The following ZIC4 variants were observed in gnomAD, a reference collection of about 807,000 sequenced individuals.
ZIC4 encodes the protein zinc finger protein ZIC 4.
ZIC4 carries 15 observed loss-of-function variants against 28.8 expected under a neutral mutation model. The observed-to-expected ratio is 0.52, with a 90% CI of 0.35 to 0.80. The LOEUF is 0.80. ZIC4 is among the 30% of genes least tolerant of loss of function. The pLI is 0.01. For missense variants in ZIC4, 512 were observed against 467.1 expected (o/e 1.10, Z -0.89); for synonymous variants, 220 against 198.1 (o/e 1.11, Z -0.93).
At chr3:147,404,037 C>A (rs192082336) in intron 1 of ZIC4, 11 of 1,537,192 alleles carry the variant, frequency 7.2e-6, no homozygotes, top group Non-Finnish European at 9.6e-6. Flanking sequence ...TAATAAGCTC[C>A]TTCCAGCACA....
Position 147,402,749 on chromosome 3 carries a change from G to T in ZIC4, c.49C>A (p.Arg17=), listed in dbSNP as rs190583246. 3 of 1,613,158 alleles carry T rather than the reference G, an allele frequency of 1.9e-6. No individual in the cohort carries two copies. The highest frequency in any genetic ancestry group is 8.5e-7 in the Non-Finnish European group (1 of 1,179,708). The change falls in exon 2 of 5, where the codon CGA becomes AGA. Residue 17 remains arginine, a synonymous_variant. Coordinates refer to ENST00000383075, the MANE Select transcript of ZIC4 (RefSeq NM_032153.6). ...TTACTTGACTCTTTAAGAGTGTTTC[G>T]GTAAAGCCGTAATCGTTTCCTCATC... is the stretch of plus-strand genomic sequence containing the variant. ...LVMRKRLRLY[R]NTLKESSSSS...
chr3:147,390,552 C>G (rs1377692667), intron 4 of ZIC4, among the ~76,000 whole-genome samples: 1 of 152,144 alleles, frequency 6.6e-6, no homozygotes, highest in African/African-American at 2.4e-5. Flanking sequence ...TTCCATCTCC[C>G]TGTCTCTTTT....
chr3:147,396,322 G>C lies in ZIC4; in HGVS notation c.218C>G (p.Ala73Gly). Residue 73 changes from alanine to glycine, a missense_variant, in exon 3 of 5, where the codon GCG (alanine) becomes GGG (glycine). Coordinates refer to ENST00000383075, the MANE Select transcript of ZIC4 (RefSeq NM_032153.6). The surrounding 1 kb of genome is among the most constrained non-coding windows in gnomAD (Gnocchi z 4.2). The stretch of plus-strand genomic sequence containing the variant: ...CCCTGGCGGGAAGGGCTCCGGCCGC[G>C]CGTACATGTCTCCAGGGAGCCCCAG... ...LRLGLPGDMY[A>G]RPEPFPPGPA... is the part of the protein sequence containing the mutation. 6.3e-7 allele frequency: 1 copy of C among 1,594,566 alleles called. No homozygotes were observed. Among genetic ancestry groups the C allele is most frequent in the African/African-American group, 1.3e-5 (1 of 74,134 alleles).
Position 147,396,100 on chromosome 3 carries a change from G to A in ZIC4, c.440C>T (p.Thr147Ile). 1 of 1,614,220 alleles carries A rather than the reference G, an allele frequency of 6.2e-7. No homozygotes were observed. The highest frequency in any genetic ancestry group is 8.5e-7 in the Non-Finnish European group (1 of 1,180,054). ...GACCAGCTCGTGCATGGTGCTGAAA[G>A]TTTTGGAGCAGAGGCTCGGGGTCGC... is the stretch of plus-strand genomic sequence containing the variant. The part of the protein sequence containing the change: ...GTATPSLCSK[T>I]FSTMHELVTH... The change falls in exon 3 of 5, where the codon ACT (threonine) becomes ATT (isoleucine). Residue 147 changes from threonine to isoleucine, a missense_variant. Around this residue, in one of 3 missense-constraint regions of ZIC4, gnomAD observed 310 missense variants for 256.5 expected, o/e 1.21. Coordinates refer to ENST00000383075, the MANE Select transcript of ZIC4 (RefSeq NM_032153.6). The surrounding 1 kb of genome is among the most constrained non-coding windows in gnomAD (Gnocchi z 4.2).
intron 3 of ZIC4, chr3:147,393,838 G>C (rs981378418): frequency 4.4e-6 from 2 of 455,274 alleles, no homozygotes; most frequent in African/African-American, 4.0e-5. Context: ...TTGCTGGCCC[G>C]CGCCTCCCTC....
At chr3:147,402,041 A>C (rs766500597) in intron 2 of ZIC4, among the ~76,000 whole-genome samples, 2 of 152,212 alleles carry the variant, frequency 1.3e-5, no homozygotes, top group Non-Finnish European at 2.9e-5. Context: ...TCTACCAATG[A>C]GGGAACATCT....
intron 3 of ZIC4, chr3:147,392,238 G>A (rs1329789443): frequency 2.0e-6 from 2 of 985,662 alleles, no homozygotes; most frequent in Non-Finnish European, 2.4e-6. Flanking sequence ...GCGGCTTCGG[G>A]AAGAAAACAG....
chr3:147,400,042 G>A (rs1222046256), intron 2 of ZIC4, among the ~76,000 whole-genome samples: 1 of 152,196 alleles, frequency 6.6e-6, no homozygotes, highest in Non-Finnish European at 1.5e-5. Flanking sequence ...TAGGAGAAGA[G>A]GGGTTTTTAG....
At chr3:147,394,469 A>T (rs1452966592) in intron 3 of ZIC4, among the ~76,000 whole-genome samples, 27 of 31,490 alleles carry the variant, frequency 8.6e-4, no homozygotes, top group Non-Finnish European at 1.3e-3. Context: ...TTGTTTGTTT[A>T]AAAAAAAAAA....
chr3:147,393,682 T>C lies in ZIC4; in HGVS notation c.688+2170A>G, dbSNP rs370584178. On this transcript the variant is annotated intron_variant, in intron 3 of 4. Coordinates refer to ENST00000383075, the MANE Select transcript of ZIC4 (RefSeq NM_032153.6). ...GGCTGGATCTGGTTGTCCCGGCGAC[T>C]GCGCCCCGGCGCGGTCTCTTTTCCT... 127 of 290,708 alleles carry C rather than the reference T, an allele frequency of 4.4e-4. No individual in the cohort carries two copies. In the Middle Eastern group the frequency reaches 0.014, roughly 31 times the overall value. The allele number at this position is 290,708 out of a possible 1,614,324, so 18.0% of individuals were successfully genotyped here. A position where few individuals can be genotyped will look rare whatever the true frequency, so the allele number is the denominator to read the frequency against.
At position 147,391,516 on chromosome 3, in the gene ZIC4, G is replaced by A. The variant is rs2086918971; in HGVS notation, c.689-270C>T. On this transcript the variant is annotated intron_variant, in intron 3 of 4. Coordinates refer to ENST00000383075, the MANE Select transcript of ZIC4 (RefSeq NM_032153.6). ...GAGGAGCGACAGTGACTCCATCTTAGTCGAGTTTCCATCCTCGAAAATCCT... is the reference window on the plus strand; with the variant it reads ...GAGGAGCGACAGTGACTCCATCTTAATCGAGTTTCCATCCTCGAAAATCCT... 4 of 358,270 alleles carry A rather than the reference G, an allele frequency of 1.1e-5. 1 individual carries two copies. Among genetic ancestry groups the A allele is most frequent in the South Asian group, 1.9e-4 (2 of 10,464 alleles). 22.2% of individuals were successfully genotyped at this position (358,270 alleles called of 1,614,324 possible).
intron 1 of ZIC4, chr3:147,404,092 G>T: frequency 6.5e-7 from 1 of 1,536,732 alleles, no homozygotes; most frequent in African/African-American, 1.4e-5. Context: ...CTACAGAAGG[G>T]CGGCATGCTG....
In ZIC4 at chr3:147,404,182, ACTCTTTTG is replaced by A. The variant is rs554407467; in HGVS notation, c.-15-1378_-15-1371del. On this transcript the variant is annotated intron_variant, in intron 1 of 4. Coordinates refer to ENST00000383075, the MANE Select transcript of ZIC4 (RefSeq NM_032153.6). ...TGGTTGGTTGGCAATAATAGAATTT[ACTCTTTTG>A]CTTCTGGGGGAAATGGGTGTGAGGT... The A allele has an allele frequency of 1.3e-4, 192 of 1,497,086 alleles. 2 individuals are homozygous for A. In the African/African-American group the frequency reaches 2.4e-3, roughly 18 times the overall value. The allele number at this position is 1,497,086 out of a possible 1,614,324, so 92.7% of individuals were successfully genotyped here.
chr3:147,398,213 C>T lies in ZIC4; in HGVS notation c.71-1744G>A, dbSNP rs1267129836. On this transcript the variant is annotated intron_variant, in intron 2 of 4. Transcript: ENST00000383075. ...CAAATCAGGGATCCTGAGCGCTATA[C>T]CCCGCAGTCGTACGGAGCCTCTGGG... Among the ~76,000 whole-genome samples the T allele has an allele frequency of 2.0e-5, 3 of 152,354 alleles. No homozygotes were observed. The East Asian group carries it at 5.8e-4, about 29-fold the overall frequency.
chr3:147,393,873 C>G (rs1460212219), intron 3 of ZIC4: 1 of 456,600 alleles, frequency 2.2e-6, no homozygotes, highest in Non-Finnish European at 4.4e-6. Context: ...GTTCCGGGAT[C>G]GCTGTGACCG....
chr3:147,388,183 C>T lies in ZIC4; in HGVS notation c.*676G>A, dbSNP rs988644709. On this transcript the variant is annotated 3_prime_UTR_variant, in exon 5 of 5. Transcript: ENST00000383075. ...TAAATGGCGTGAAAGCAAAGGTCAGCGCAAATGTATCTTAATAGAGTGTCT... is the reference window on the plus strand; with the variant it reads ...TAAATGGCGTGAAAGCAAAGGTCAGTGCAAATGTATCTTAATAGAGTGTCT... 2 of 152,584 alleles carry T rather than the reference C, an allele frequency of 1.3e-5. No homozygotes were observed. The highest frequency in any genetic ancestry group is 2.4e-5 in the African/African-American group (1 of 41,402). The allele number at this position is 152,584 out of a possible 1,614,324, so 9.5% of individuals were successfully genotyped here.
Position 147,391,121 on chromosome 3 carries a change from C to G in ZIC4, c.814G>C (p.Asp272His). The G allele has an allele frequency of 1.2e-6, 2 of 1,614,124 alleles. No individual in the cohort carries two copies. The highest frequency in any genetic ancestry group is 1.7e-6 in the Non-Finnish European group (2 of 1,179,990). ...GAGCTGGGGTGCGTGTAGCACTTGTCGCAGCCCCGCACCTTGCACGTGTAT... is the reference window on the plus strand; with the variant it reads ...GAGCTGGGGTGCGTGTAGCACTTGTGGCAGCCCCGCACCTTGCACGTGTAT... ...KPYTCKVRGC[D>H]KCYTHPSSLR... The change falls in exon 4 of 5, where the codon GAC (aspartate) becomes CAC (histidine). Residue 272 changes from aspartate (D) to histidine (H), a missense_variant. This residue lies in a region of ZIC4 where 144 missense variants were observed against 116.8 expected (regional missense o/e 1.23). Transcript: ENST00000383075.
chr3:147,391,354 A>G (rs1559959470), intron 3 of ZIC4, 108 bp from the exon 4 acceptor site: 1 of 1,347,954 alleles, frequency 7.4e-7, no homozygotes, highest in East Asian at 2.6e-5. Context: ...ACTACAAAAT[A>G]TTTTCAGAAA....
At chr3:147,393,088 A>C (rs1206591224) in intron 3 of ZIC4, among the ~76,000 whole-genome samples, 1 of 152,096 alleles carries the variant, frequency 6.6e-6, no homozygotes, top group South Asian at 2.1e-4. Flanking sequence ...TATTTTGAGA[A>C]AACAGAGGTG....
Sources: allele counts gnomAD v4.1 joint callset (sites outside exome capture counted in the v4.1 genomes callset), GRCh38; gene constraint gnomAD v4.1.1; regional missense constraint gnomAD v4.1.1; non-coding constraint Gnocchi (gnomAD v3.1); transcripts MANE v1.5; gene names NCBI Gene and HGNC (gene_info 2026-07-23, HGNC 2026-07-21).